KSR2: variants seen among roughly 807,000 people sequenced by gnomAD.
KSR2 encodes the protein kinase suppressor of ras 2.
KSR2 carries 25 observed loss-of-function variants against 107.8 expected under a neutral mutation model. That is an observed-to-expected ratio of 0.23 (90% confidence interval 0.17 to 0.32). The LOEUF is 0.32. Ranked by LOEUF, KSR2 falls within the 10% of genes least tolerant of loss-of-function variation. KSR2 has a pLI of 1.00. For missense variants in KSR2, 887 were observed against 1,268.9 expected (o/e 0.70, Z 4.57); for synonymous variants, 480 against 507.0 (o/e 0.95, Z 0.71).
At chr12:117,502,531 G>A (rs1161243292) in intron 14 of KSR2, among the ~76,000 whole-genome samples, 6 of 152,050 alleles carry the variant, frequency 3.9e-5, no homozygotes, top group African/African-American at 1.4e-4. Flanking sequence ...CTGGTAATGG[G>A]TATCGAATCG....
intron 10 of KSR2, among the ~76,000 whole-genome samples, chr12:117,538,082 G>A (rs1321635646): frequency 6.9e-6 from 1 of 145,216 alleles, no homozygotes; most frequent in Admixed American, 7.0e-5. Flanking sequence ...AGGTGTGGGT[G>A]GTCATGGGAA....
chr12:117,630,665 C>T (rs1011777819), intron 5 of KSR2, among the ~76,000 whole-genome samples: 1 of 151,918 alleles, frequency 6.6e-6, no homozygotes, highest in Non-Finnish European at 1.5e-5. Context: ...TGGTTCTGAC[C>T]CAGCAGTGGA....
intron 1 of KSR2, among the ~76,000 whole-genome samples, chr12:117,930,536 T>G (rs1213701288): frequency 6.6e-6 from 1 of 152,150 alleles, no homozygotes; most frequent in Non-Finnish European, 1.5e-5. Context: ...TGGGCCACAC[T>G]TTGGGTAGCC....
At chr12:117,507,725 C>T (rs1873787120) in intron 14 of KSR2, among the ~76,000 whole-genome samples, 1 of 152,166 alleles carries the variant, frequency 6.6e-6, no homozygotes, top group African/African-American at 2.4e-5. Context: ...TACTGATTTG[C>T]TTAGCAAACA....
At chr12:117,658,093 A>G (rs771064011) in intron 5 of KSR2, among the ~76,000 whole-genome samples, 4 of 152,236 alleles carry the variant, frequency 2.6e-5, no homozygotes, top group Non-Finnish European at 4.4e-5. Context: ...GGCAAGAGAG[A>G]GCATAGTTCA....
At chr12:117,668,382 G>A (rs1045974993) in intron 4 of KSR2, among the ~76,000 whole-genome samples, 15 of 152,170 alleles carry the variant, frequency 9.9e-5, no homozygotes, top group African/African-American at 3.6e-4. Flanking sequence ...GTTCAGGAGG[G>A]AGGGTGCTCC....
intron 4 of KSR2, among the ~76,000 whole-genome samples, chr12:117,755,472 T>C (rs567064815): frequency 3.9e-5 from 6 of 152,328 alleles, no homozygotes; most frequent in African/African-American, 1.4e-4. Flanking sequence ...TTCATGTCAC[T>C]ATGGTAATTG....
intron 3 of KSR2, among the ~76,000 whole-genome samples, chr12:117,854,206 C>A (rs1481720468): frequency 6.6e-6 from 1 of 151,760 alleles, no homozygotes; most frequent in Non-Finnish European, 1.5e-5. Flanking sequence ...GGGGTTTCGC[C>A]ATGTTGCCCA....
chr12:117,688,747 G>C (rs1356645842), intron 4 of KSR2, among the ~76,000 whole-genome samples: 2 of 152,262 alleles, frequency 1.3e-5, no homozygotes, highest in South Asian at 2.1e-4. Flanking sequence ...CACTCTCCAG[G>C]ATGGCCATAG....
intron 4 of KSR2, among the ~76,000 whole-genome samples, chr12:117,735,656 G>A (rs1887910407): frequency 6.6e-6 from 1 of 152,092 alleles, no homozygotes; most frequent in Non-Finnish European, 1.5e-5. Flanking sequence ...ACAGTTCTTG[G>A]TTTGCATCAA....
At chr12:117,517,396 C>T (rs61197949) in intron 14 of KSR2, among the ~76,000 whole-genome samples, 1 of 152,158 alleles carries the variant, frequency 6.6e-6, no homozygotes. Flanking sequence ...TTCTGCTGAT[C>T]TGCATTTGCA....
intron 3 of KSR2, among the ~76,000 whole-genome samples, chr12:117,854,761 G>C (rs1394512810): frequency 6.6e-6 from 1 of 152,038 alleles, no homozygotes. Flanking sequence ...CTGATGTTCT[G>C]CTAATAAAGA....
At chr12:117,726,207 A>G (rs1887418764) in intron 4 of KSR2, among the ~76,000 whole-genome samples, 1 of 152,108 alleles carries the variant, frequency 6.6e-6, no homozygotes, top group South Asian at 2.1e-4. Context: ...AATTTTTTTA[A>G]AAAGATAACC....
At chr12:117,879,520 G>C (rs1042353444) in intron 1 of KSR2, among the ~76,000 whole-genome samples, 15 of 152,166 alleles carry the variant, frequency 9.9e-5, no homozygotes, top group African/African-American at 3.6e-4. Context: ...CTGTATATCT[G>C]CCTGGGCAAC....
chr12:117,528,614 C>T (rs771335146), intron 12 of KSR2, among the ~76,000 whole-genome samples: 3 of 152,206 alleles, frequency 2.0e-5, no homozygotes, highest in South Asian at 4.1e-4. Context: ...AAGTGGCATT[C>T]GCCATGGTAT....
chr12:117,874,267 C>G (rs565107009), intron 1 of KSR2, among the ~76,000 whole-genome samples: 4 of 152,002 alleles, frequency 2.6e-5, no homozygotes, highest in South Asian at 4.2e-4. Flanking sequence ...GGGTCTTGCT[C>G]TGTTGTCCAG....
At chr12:117,616,357 C>T (rs1235297536) in intron 5 of KSR2, among the ~76,000 whole-genome samples, 1 of 152,152 alleles carries the variant, frequency 6.6e-6, no homozygotes, top group East Asian at 1.9e-4. Context: ...TCTCCATTCA[C>T]ATATTTGAGA....
chr12:117,714,116 T>C (rs1363825618), intron 4 of KSR2, among the ~76,000 whole-genome samples: 1 of 152,158 alleles, frequency 6.6e-6, no homozygotes. Context: ...TCGTTAAATA[T>C]TCATTCAAAT....
intron 4 of KSR2, among the ~76,000 whole-genome samples, chr12:117,687,836 A>G (rs902479933): frequency 2.0e-5 from 3 of 152,102 alleles, no homozygotes; most frequent in Admixed American, 1.3e-4. Context: ...TTGAAGCTCA[A>G]TCTAGTAGTG....
Sources: allele counts gnomAD v4.1 joint callset (sites outside exome capture counted in the v4.1 genomes callset), GRCh38; gene constraint gnomAD v4.1.1; transcripts MANE v1.5; gene names NCBI Gene and HGNC (gene_info 2026-07-23, HGNC 2026-07-21).